The following ZNF44 variants were observed in gnomAD, a reference collection of about 807,000 sequenced individuals.
ZNF44 encodes zinc finger protein 44.
A neutral mutation model predicts 11.7 loss-of-function variants in ZNF44; 9 were observed. The ratio of observed to expected loss-of-function variants is 0.77; its 90% CI spans 0.46 to 1.35. The LOEUF is 1.35. Among genes scored for constraint, ZNF44 ranks in the 40% most tolerant of loss-of-function variants. ZNF44 has a pLI of 0.00. For missense variants in ZNF44, 696 were observed against 743.1 expected, an observed-to-expected ratio of 0.94 and a Z score of 0.74; for synonymous variants, 224 against 242.7, an observed-to-expected ratio of 0.92 and a Z score of 0.72.
chr19:12,243,987 ATTTAT>A (rs1236486963), downstream of ZNF44, among the ~76,000 whole-genome samples: 2 of 151,810 alleles, frequency 1.3e-5, no homozygotes, highest in African/African-American at 4.8e-5. Flanking sequence ...GGGTTTTTAA[ATTTAT>A]TTTTTCTTAT....
At chr19:12,269,633 A>C (rs1431747381), downstream of ZNF44, among the ~76,000 whole-genome samples, 1 of 152,216 alleles carries the variant, frequency 6.6e-6, no homozygotes, top group Admixed American at 6.5e-5. Context: ...AAAGTGCTGG[A>C]ATTACAGATG....
chr19:12,225,089 G>A (rs556798434), downstream of ZNF44: 1 of 152,354 alleles, frequency 6.6e-6, no homozygotes, highest in South Asian at 2.1e-4. Flanking sequence ...CAATGGTGAT[G>A]CTTCTGCTCT....
At chr19:12,293,641 T>C (rs1191474570) in intron 1 of ZNF44, among the ~76,000 whole-genome samples, 2 of 152,174 alleles carry the variant, frequency 1.3e-5, no homozygotes, top group East Asian at 3.8e-4. Context: ...AAAGGGTTCA[T>C]AACGTTACTG....
At chr19:12,268,088 C>T (rs1269411387), downstream of ZNF44, among the ~76,000 whole-genome samples, 3 of 151,182 alleles carry the variant, frequency 2.0e-5, no homozygotes, top group Non-Finnish European at 1.5e-5. Context: ...CCGCCTGCCT[C>T]GGCCTCCCAA....
Position 12,274,007 on chromosome 19 carries a change from G to A in ZNF44, c.248C>T (p.Thr83Ile), listed in dbSNP as rs200364995. Residue 83 changes from threonine (T) to isoleucine (I), a missense_variant, in exon 4 of 4, where the codon ACC becomes ATC. Physicochemically the swap from Thr to Ile is moderately conservative, Grantham distance 89 (BLOSUM62 -1). Transcript: ENST00000355684. ...AATACTATTTCGAATCTGGCTTAAG[G>A]TTTCTCCACACTGACTACCATCTTT... ...KSKDGSQCGE[T>I]LSQIRNSIVN... 1.0e-4 allele frequency: 163 copies of A among 1,613,736 alleles called. No individual in the cohort carries two copies. Among genetic ancestry groups the A allele is most frequent in the Non-Finnish European group, 1.3e-4 (149 of 1,179,894 alleles).
chr19:12,285,880 G>A (rs1448839995), intron 1 of ZNF44, among the ~76,000 whole-genome samples: 3 of 151,970 alleles, frequency 2.0e-5, no homozygotes, highest in Non-Finnish European at 2.9e-5. Flanking sequence ...TTAGCCAGGC[G>A]TGGTGGCGGG....
intron 1 of ZNF44, among the ~76,000 whole-genome samples, chr19:12,280,023 C>A (rs1967403527): frequency 6.6e-6 from 1 of 151,360 alleles, no homozygotes; most frequent in African/African-American, 2.4e-5. Flanking sequence ...CTTCTTATAC[C>A]TATCTGATCT....
chr19:12,250,222 T>C (rs1916935642), intron 6 of ZNF44: 1 of 1,351,102 alleles, frequency 7.4e-7, no homozygotes. Context: ...AACAACATGA[T>C]GGAATGATTT....
At chr19:12,249,398 C>T (rs910377124) in intron 7 of ZNF44, among the ~76,000 whole-genome samples, 94 of 147,860 alleles carry the variant, frequency 6.4e-4, no homozygotes, top group African/African-American at 2.2e-3. Context: ...CCCAGCTACT[C>T]GGGAGGCTGA....
chr19:12,268,869 G>A (rs552451882), downstream of ZNF44, among the ~76,000 whole-genome samples: 18 of 151,508 alleles, frequency 1.2e-4, no homozygotes, highest in South Asian at 2.9e-3. Context: ...TCAGCTTCCC[G>A]AATAGCTGAG....
chr19:12,293,387 A>G, intron 1 of ZNF44: 1 of 1,535,362 alleles, frequency 6.5e-7, no homozygotes, highest in Non-Finnish European at 8.7e-7. Flanking sequence ...TGGAAAAGAT[A>G]CAGGGTGGGC....
At chr19:12,292,872 T>G (rs892413395) in intron 1 of ZNF44, among the ~76,000 whole-genome samples, 54 of 146,844 alleles carry the variant, frequency 3.7e-4, no homozygotes, top group South Asian at 2.5e-3. Context: ...TTTTTTTTTT[T>G]TTTTTTTTGA....
At chr19:12,270,385 T>C (rs980085254), downstream of ZNF44, among the ~76,000 whole-genome samples, 5 of 151,954 alleles carry the variant, frequency 3.3e-5, no homozygotes, top group Admixed American at 3.3e-4. Context: ...TCTAACACTG[T>C]TATCGCTGCC....
exon 8 of ZNF44, chr19:12,248,241 T>G: frequency 7.7e-7 from 1 of 1,300,884 alleles, no homozygotes; most frequent in Non-Finnish European, 1.0e-6. Flanking sequence ...TTGAGCAGAT[T>G]GGTGGTATCG....
intron 5 of ZNF44, among the ~76,000 whole-genome samples, chr19:12,258,541 A>G (rs1917365511): frequency 6.6e-6 from 1 of 152,008 alleles, no homozygotes; most frequent in African/African-American, 2.4e-5. Flanking sequence ...ACCTAATTTG[A>G]ATTTATGGCC....
intron 5 of ZNF44, among the ~76,000 whole-genome samples, chr19:12,253,519 G>C (rs1049126273): frequency 3.9e-5 from 6 of 152,126 alleles, no homozygotes; most frequent in Non-Finnish European, 8.8e-5. Flanking sequence ...AAGACGTAGA[G>C]AATCTATGTA....
At chr19:12,284,268 C>T (rs1271123270) in intron 1 of ZNF44, 2 of 414,994 alleles carry the variant, frequency 4.8e-6, no homozygotes, top group Admixed American at 3.8e-5. Context: ...GGAGATAATA[C>T]ATAATCACAT....
chr19:12,247,581 T>C (rs1337182146), downstream of ZNF44: 2 of 1,338,026 alleles, frequency 1.5e-6, no homozygotes, highest in South Asian at 1.2e-5. Flanking sequence ...AAGAGTAATG[T>C]ATGTTTTCCC....
chr19:12,292,553 A>G (rs867233529), intron 1 of ZNF44, among the ~76,000 whole-genome samples: 7 of 152,094 alleles, frequency 4.6e-5, no homozygotes, highest in African/African-American at 1.7e-4. Flanking sequence ...CTCAACCGTC[A>G]GGTCAGGTCG....
Sources: gnomAD v4.1 joint callset for allele counts (sites outside exome capture counted in the v4.1 genomes callset) on GRCh38, gnomAD v4.1.1 for gene constraint, MANE v1.5 for transcripts, NCBI Gene and HGNC (gene_info 2026-07-23, HGNC 2026-07-21) for gene names.